The following KIAA0319L variants were observed in gnomAD, a reference collection of about 807,000 sequenced individuals.
The protein encoded by KIAA0319L is KIAA0319 like, also known as dyslexia-associated protein KIAA0319-like protein.
KIAA0319L carries 55 observed loss-of-function variants against 120.1 expected under a neutral mutation model. The ratio of observed to expected loss-of-function variants is 0.46; its 90% confidence interval spans 0.37 to 0.57. KIAA0319L has a LOEUF of 0.57. KIAA0319L is among the 20% of genes least tolerant of loss of function. The pLI is 0.00. For synonymous variants in KIAA0319L, 398 were observed against 471.9 expected (o/e 0.84, Z 2.03); for missense variants, 1,049 against 1,255.3 (o/e 0.84, Z 2.48).
intron 2 of KIAA0319L, among the ~76,000 whole-genome samples, chr1:35,520,951 T>G (rs530957592): frequency 6.6e-6 from 1 of 152,330 alleles, no homozygotes; most frequent in Admixed American, 6.5e-5. Context: ...AAACTAGCAC[T>G]ATGTGACACG....
At chr1:35,446,044 T>C (rs751384784) in intron 16 of KIAA0319L, among the ~76,000 whole-genome samples, 11 of 152,192 alleles carry the variant, frequency 7.2e-5, no homozygotes, top group South Asian at 2.1e-4. Context: ...AATCGTGCTA[T>C]CTCTGACCTA....
intron 9 of KIAA0319L, 21 bp from the exon 10 acceptor site, chr1:35,456,262 G>C: frequency 1.4e-6 from 2 of 1,455,110 alleles, no homozygotes; most frequent in Non-Finnish European, 1.9e-6. Flanking sequence ...AGAGAGAGGA[G>C]TGTGATCAGG....
intron 3 of KIAA0319L, among the ~76,000 whole-genome samples, chr1:35,484,815 T>TATTATACTCTAAGTTTTAGGGTACATG (rs1558440774): frequency 7.2e-6 from 1 of 139,660 alleles, no homozygotes; most frequent in Non-Finnish European, 1.5e-5. Flanking sequence ...TATTTTTTTT[T>TATTATACTCTAAGTTTTAGGGTACATG]TTATTATACT....
chr1:35,442,113 G>T, intron 19 of KIAA0319L, 133 bp downstream of exon 19: 1 of 718,704 alleles, frequency 1.4e-6, no homozygotes, highest in Non-Finnish European at 2.5e-6. Context: ...GCATGCCTTA[G>T]GTGGGTCAGA....
At position 35,554,688 on chromosome 1, in the gene KIAA0319L, A is replaced by G. The variant is rs1481412602; in HGVS notation, c.-28-169T>C. 1.1e-5 allele frequency: 5 copies of G among 442,920 alleles called. No homozygotes were observed. In the East Asian group the frequency reaches 1.7e-4, roughly 15 times the overall value. The allele number at this position is 442,920 out of a possible 1,614,324, so 27.4% of individuals were successfully genotyped here. A position where few individuals can be genotyped will look rare whatever the true frequency, so the allele number is the denominator to read the frequency against. On this transcript the variant is annotated intron_variant, in intron 1 of 20. Coordinates refer to ENST00000325722, the MANE Select transcript of KIAA0319L (RefSeq NM_024874.5). ...TTAAACCTGGGCTTTGAGGTAGCCT[A>G]TAATTATCAGAATAACAACACAGCA...
intron 3 of KIAA0319L, among the ~76,000 whole-genome samples, chr1:35,503,111 CCTGT>C (rs1282785368): frequency 1.3e-4 from 20 of 152,268 alleles, no homozygotes; most frequent in Admixed American, 8.5e-4. Flanking sequence ...CTCTGATTTT[CCTGT>C]CTATTACCCA....
intron 3 of KIAA0319L, among the ~76,000 whole-genome samples, chr1:35,497,846 A>T (rs1465268529): frequency 6.6e-6 from 1 of 152,220 alleles, no homozygotes; most frequent in African/African-American, 2.4e-5. Context: ...AGTTTTATTT[A>T]GAAACTATTG....
intron 5 of KIAA0319L, among the ~76,000 whole-genome samples, chr1:35,474,363 C>T (rs757581809): frequency 1.3e-5 from 2 of 152,116 alleles, no homozygotes; most frequent in South Asian, 2.1e-4. Context: ...CATAAGATTA[C>T]TTTAAGGGCA....
intron 7 of KIAA0319L, among the ~76,000 whole-genome samples, chr1:35,464,993 T>C (rs1038278793): frequency 2.6e-5 from 4 of 152,182 alleles, no homozygotes; most frequent in African/African-American, 9.6e-5. Context: ...AGAGTATGTA[T>C]GGAAACACCT....
intron 2 of KIAA0319L, among the ~76,000 whole-genome samples, chr1:35,513,288 A>ATATATATATATATATATATATTTT (rs1414704674): frequency 2.3e-5 from 2 of 85,302 alleles, no homozygotes; most frequent in African/African-American, 8.5e-5. Flanking sequence ...ATATATATAT[A>ATATATATATATATATATATATTTT]TTTTTTTTTT....
At chr1:35,547,742 A>C (rs929626297) in intron 2 of KIAA0319L, among the ~76,000 whole-genome samples, 4 of 152,136 alleles carry the variant, frequency 2.6e-5, no homozygotes, top group Admixed American at 2.6e-4. Flanking sequence ...GGAGGAGAGG[A>C]TAGGGAGTGA....
At chr1:35,480,499 C>A (rs1001115624) in intron 3 of KIAA0319L, among the ~76,000 whole-genome samples, 1 of 151,654 alleles carries the variant, frequency 6.6e-6, no homozygotes, top group Non-Finnish European at 1.5e-5. Context: ...AAATCAAATT[C>A]GGCCGGGTGT....
intron 7 of KIAA0319L, among the ~76,000 whole-genome samples, chr1:35,465,274 G>A (rs1643179024): frequency 6.6e-6 from 1 of 152,208 alleles, no homozygotes; most frequent in Non-Finnish European, 1.5e-5. Context: ...AAAGCCACAG[G>A]AGTAGAGCTG....
chr1:35,479,513 T>C (rs1644054912), intron 3 of KIAA0319L, among the ~76,000 whole-genome samples: 1 of 152,204 alleles, frequency 6.6e-6, no homozygotes, highest in African/African-American at 2.4e-5. Flanking sequence ...TCAATCTTTC[T>C]ACAAATACTT....
chr1:35,448,055 A>C, intron 16 of KIAA0319L, 118 bp downstream of exon 16: 1 of 949,234 alleles, frequency 1.1e-6, no homozygotes, highest in South Asian at 1.7e-5. Flanking sequence ...AGGCAACATG[A>C]GTGTTTCTGG....
intron 3 of KIAA0319L, among the ~76,000 whole-genome samples, chr1:35,505,464 T>C (rs1252120087): frequency 1.3e-5 from 2 of 152,232 alleles, no homozygotes; most frequent in African/African-American, 4.8e-5. Context: ...TCACTTCTTG[T>C]GTTCTTACTG....
intron 3 of KIAA0319L, among the ~76,000 whole-genome samples, chr1:35,494,347 G>A (rs865847062): frequency 1.3e-5 from 2 of 152,174 alleles, no homozygotes; most frequent in South Asian, 4.1e-4. Flanking sequence ...TACTCAAGAG[G>A]CTGAGGCAGG....
chr1:35,545,426 T>G (rs1044304757), intron 2 of KIAA0319L, among the ~76,000 whole-genome samples: 3 of 152,082 alleles, frequency 2.0e-5, no homozygotes, highest in Non-Finnish European at 4.4e-5. Flanking sequence ...CATAGAGAGA[T>G]GCATAGATAT....
chr1:35,546,072 T>C (rs1364595805), intron 2 of KIAA0319L, among the ~76,000 whole-genome samples: 2 of 152,100 alleles, frequency 1.3e-5, no homozygotes, highest in Non-Finnish European at 2.9e-5. Flanking sequence ...AGCGTACAGA[T>C]GGCTAAGTGG....
Sources: allele counts gnomAD v4.1 joint callset (sites outside exome capture counted in the v4.1 genomes callset), GRCh38; gene constraint gnomAD v4.1.1; transcripts MANE v1.5; gene names NCBI Gene and HGNC (gene_info 2026-07-23, HGNC 2026-07-21).